The following LPP variants were observed in gnomAD, a reference collection of about 807,000 sequenced individuals.
LPP encodes the protein lipoma-preferred partner.
Under a neutral mutation model 60.4 loss-of-function variants are expected in LPP, and 38 were observed. The observed-to-expected ratio is 0.63, with a 90% CI of 0.49 to 0.83. The LOEUF is 0.83. Ranked by LOEUF, LPP falls within the 40% of genes least tolerant of loss-of-function variation. The pLI, the probability that LPP is intolerant of heterozygous loss-of-function variation, is 0.00. For synonymous variants in LPP, 328 were observed against 290.8 expected, an observed-to-expected ratio of 1.13 and a Z score of -1.30; for missense variants, 902 against 783.6, an observed-to-expected ratio of 1.15 and a Z score of -1.80.
chr3:188,666,475 T>A (rs1855824555), intron 7 of LPP, among the ~76,000 whole-genome samples: 1 of 152,342 alleles, frequency 6.6e-6, no homozygotes, highest in African/African-American at 2.4e-5. Flanking sequence ...AATAAGAAAC[T>A]GTAAGTCTGG....
At chr3:188,263,145 G>A (rs1304670100) in intron 2 of LPP, among the ~76,000 whole-genome samples, 2 of 152,144 alleles carry the variant, frequency 1.3e-5, no homozygotes, top group Non-Finnish European at 2.9e-5. Context: ...AATCAGATGG[G>A]AACAAACTAT....
At chr3:188,309,034 T>C (rs1397779507) in intron 2 of LPP, among the ~76,000 whole-genome samples, 1 of 84,360 alleles carries the variant, frequency 1.2e-5, no homozygotes, top group African/African-American at 4.6e-5. Context: ...TTTTTTTTTT[T>C]TTTTTGATAT....
intron 1 of LPP, among the ~76,000 whole-genome samples, chr3:188,218,339 A>G (rs1247458081): frequency 6.6e-6 from 1 of 152,208 alleles, no homozygotes; most frequent in Non-Finnish European, 1.5e-5. Context: ...TGGCTGAATC[A>G]GGTAGAGAAT....
chr3:188,275,681 G>C (rs1028349193), intron 2 of LPP, among the ~76,000 whole-genome samples: 3 of 74,442 alleles, frequency 4.0e-5, no homozygotes, highest in African/African-American at 3.1e-4. Context: ...TGTATTCCAG[G>C]AACTTTTTTT....
At chr3:188,783,768 C>T (rs1290370382) in intron 9 of LPP, among the ~76,000 whole-genome samples, 1 of 151,898 alleles carries the variant, frequency 6.6e-6, no homozygotes, top group Non-Finnish European at 1.5e-5. Flanking sequence ...AGTATTCTGC[C>T]TGCTACCAGG....
Position 188,406,165 on chromosome 3 carries a change from C to A in LPP, c.45C>A (p.Pro15=). Reference sequence around the variant, plus strand: ...TGCCACCCAAAAGCACTGGTGAGCCCCTCGGCCATGTGCCTGCACGGATGG... The same window carrying A: ...TGCCACCCAAAAGCACTGGTGAGCCACTCGGCCATGTGCCTGCACGGATGG... ...SWLPPKSTGE[P]LGHVPARMET... The change falls in exon 4 of 12, where the codon CCC becomes CCA. Residue 15 remains proline, a synonymous_variant. Transcript: ENST00000617246. 6.2e-7 allele frequency: 1 copy of A among 1,614,156 alleles called. No individual in the cohort carries two copies. The highest frequency in any genetic ancestry group is 8.5e-7 in the Non-Finnish European group (1 of 1,179,982).
intron 9 of LPP, among the ~76,000 whole-genome samples, chr3:188,822,865 G>A (rs896946938): frequency 6.6e-6 from 1 of 152,120 alleles, no homozygotes; most frequent in African/African-American, 2.4e-5. Flanking sequence ...TCTTTCTTAT[G>A]TCAGTGTGAA....
At chr3:188,710,302 G>T (rs1242124400) in intron 8 of LPP, 1 of 152,268 alleles carries the variant, frequency 6.6e-6, no homozygotes, top group Non-Finnish European at 1.5e-5. Context: ...GAGTGGGAAT[G>T]AAACATCTGG....
chr3:188,599,269 G>A (rs1247887587), intron 6 of LPP, among the ~76,000 whole-genome samples: 1 of 152,010 alleles, frequency 6.6e-6, no homozygotes, highest in Non-Finnish European at 1.5e-5. Context: ...GGGTGGGAGA[G>A]GACACTCCTT....
chr3:188,183,737 G>C (rs1333491838), intron 1 of LPP, among the ~76,000 whole-genome samples: 3 of 151,980 alleles, frequency 2.0e-5, no homozygotes, highest in Non-Finnish European at 4.4e-5. Context: ...GCCATGGGAG[G>C]GGGTGGGAGT....
intron 5 of LPP, among the ~76,000 whole-genome samples, chr3:188,492,042 T>A (rs1307138040): frequency 2.6e-5 from 4 of 152,100 alleles, no homozygotes; most frequent in African/African-American, 9.7e-5. Flanking sequence ...TTGAAATAAT[T>A]TGTGACACAT....
chr3:188,862,712 C>CAAAAAAAAAAAAAAAAAAAAA lies in LPP; in HGVS notation c.1411-3481_1411-3480insAAAAAAAAAAAAAAAAAAAAA, dbSNP rs140751676. On this transcript the variant is annotated intron_variant, in intron 9 of 11. Coordinates refer to ENST00000617246, the MANE Select transcript of LPP (RefSeq NM_001375462.1). ...TATCAATGCTGGCAACCCTACTAGA[C>CAAAAAAAAAAAAAAAAAAAAA]AAAAAAATAAATAAATAAATAAATA... 1.3e-3 allele frequency among the ~76,000 whole-genome samples: 71 copies of CAAAAAAAAAAAAAAAAAAAAA among 55,454 alleles called. 1 individual carries two copies. The highest frequency in any genetic ancestry group is 2.9e-3 in the East Asian group (2 of 694). 36.4% of individuals were successfully genotyped at this position (55,454 alleles called of 152,430 possible).
chr3:188,755,633 A>G (rs186769097), intron 8 of LPP, among the ~76,000 whole-genome samples: 22 of 151,826 alleles, frequency 1.4e-4, no homozygotes, highest in Admixed American at 1.3e-3. Flanking sequence ...GCAAGACCCT[A>G]TCTGTACAGG....
intron 9 of LPP, among the ~76,000 whole-genome samples, chr3:188,830,132 T>G (rs1378434211): frequency 1.3e-5 from 2 of 151,898 alleles, no homozygotes; most frequent in Admixed American, 6.6e-5. Flanking sequence ...CGTCCCTGTG[T>G]GAAAGATAGA....
intron 7 of LPP, among the ~76,000 whole-genome samples, chr3:188,655,349 G>C (rs1362238014): frequency 6.6e-6 from 1 of 152,118 alleles, no homozygotes; most frequent in Non-Finnish European, 1.5e-5. Flanking sequence ...CAAGATGAGG[G>C]AAAGGACATC....
chr3:188,300,593 G>A (rs1018795000), intron 2 of LPP, among the ~76,000 whole-genome samples: 4 of 151,894 alleles, frequency 2.6e-5, no homozygotes, highest in Non-Finnish European at 5.9e-5. Flanking sequence ...GACCTGTAGA[G>A]TTATTAATTT....
intron 6 of LPP, among the ~76,000 whole-genome samples, chr3:188,541,593 G>T (rs60984292): frequency 0.52 from 78,905 of 151,618 alleles, 21,041 homozygotes; most frequent in East Asian, 0.92. Context: ...CTGCCATTCT[G>T]TCTTTCAGAA....
chr3:188,368,813 G>T (rs934567768), intron 3 of LPP, among the ~76,000 whole-genome samples: 4 of 151,710 alleles, frequency 2.6e-5, no homozygotes, highest in African/African-American at 9.7e-5. Flanking sequence ...ATAGGACCTC[G>T]AATGTCTTCT....
intron 3 of LPP, among the ~76,000 whole-genome samples, chr3:188,378,809 C>G (rs1776036042): frequency 6.6e-6 from 1 of 152,244 alleles, no homozygotes; most frequent in African/African-American, 2.4e-5. Flanking sequence ...GTCGCTCCCT[C>G]TGGGAGCTGT....
Sources: gnomAD v4.1 joint callset for allele counts (sites outside exome capture counted in the v4.1 genomes callset) on GRCh38, gnomAD v4.1.1 for gene constraint, MANE v1.5 for transcripts, NCBI Gene and HGNC (gene_info 2026-07-23, HGNC 2026-07-21) for gene names.